Variants in ZP1 observed in about 807,000 individuals in gnomAD.
ZP1 encodes zona pellucida sperm-binding protein 1.
Under a neutral mutation model 67.4 loss-of-function variants are expected in ZP1, and 58 were observed. That is an observed-to-expected ratio of 0.86 (90% CI 0.70 to 1.07). The LOEUF (loss-of-function observed/expected upper bound fraction) is 1.07, where lower values mean the gene tolerates loss of function less well. Ranked by LOEUF, ZP1 falls within the 50% of genes least tolerant of loss-of-function variation. The pLI, the probability that ZP1 is intolerant of heterozygous loss-of-function variation, is 0.00. For missense variants in ZP1, 759 were observed against 807.3 expected (o/e 0.94, Z 0.72); for synonymous variants, 333 against 332.7 (o/e 1.00, Z -0.01).
intron 9 of ZP1, 28 bp downstream of exon 9, chr11:60,873,803 G>C (rs1465412230): frequency 6.2e-7 from 1 of 1,611,502 alleles, no homozygotes; most frequent in East Asian, 2.2e-5. Context: ...CCGCATGCCT[G>C]GTCCCATCTG....
At chr11:60,870,189 T>A (rs1025847783) in intron 3 of ZP1, 143 bp from the exon 4 acceptor site, 1 of 897,764 alleles carries the variant, frequency 1.1e-6, no homozygotes. Flanking sequence ...CTCTAGAAAT[T>A]TCAGTAATAT....
chr11:60,869,994 CTTTT>C (rs909464836), intron 3 of ZP1, 94 bp downstream of exon 3: 2 of 1,402,008 alleles, frequency 1.4e-6, no homozygotes, highest in Admixed American at 2.7e-5. Flanking sequence ...TAAGCCATTT[CTTTT>C]TTTGTTTTTT....
intron 4 of ZP1, 54 bp from the exon 5 acceptor site, chr11:60,870,903 T>TC (rs1855554080): frequency 6.5e-7 from 1 of 1,549,826 alleles, no homozygotes; most frequent in East Asian, 2.3e-5. Flanking sequence ...AGCCATCCCG[T>TC]CTCTGTGCTG....
At position 60,873,257 on chromosome 11, in the gene ZP1, G is replaced by C; in HGVS notation, c.1208G>C (p.Gly403Ala). The C allele has an allele frequency of 6.3e-7, 1 of 1,593,220 alleles. No homozygotes were observed. The highest frequency in any genetic ancestry group is 8.6e-7 in the Non-Finnish European group (1 of 1,168,018). ...PPSPAPMTQPGPLRLELRIAK... is the reference protein window; with the variant it reads ...PPSPAPMTQPAPLRLELRIAK... Reference sequence around the variant, plus strand: ...TCGCCTGCTCCTATGACCCAGCCCGGCCCCCTGCGGCTTGAGCTGCGGATT... The same window carrying C: ...TCGCCTGCTCCTATGACCCAGCCCGCCCCCCTGCGGCTTGAGCTGCGGATT... The change falls in exon 7 of 12, where the codon GGC becomes GCC. Residue 403 changes from glycine (G) to alanine (A), a missense_variant. By Grantham distance (60) the Gly-to-Ala change is moderately conservative (BLOSUM62 0). Coordinates refer to ENST00000278853, the MANE Select transcript of ZP1 (RefSeq NM_207341.4).
At position 60,870,352 on chromosome 11, in the gene ZP1, C is replaced by T. The variant is rs1423022126; in HGVS notation, c.703C>T (p.Gln235Ter). 6.2e-6 allele frequency: 10 copies of T among 1,608,672 alleles called. No individual in the cohort carries two copies. The highest frequency in any genetic ancestry group is 8.5e-6 in the Non-Finnish European group (10 of 1,177,680). ...DYIGTHLSQE[Q>*]CQVASGHLPC... The stretch of plus-strand genomic sequence containing the variant: ...CCTAGGTACCCACCTGAGCCAGGAG[C>T]AGTGCCAGGTGGCCTCAGGGCACCT... The change falls in exon 4 of 12, where the codon CAG becomes TAG. Residue 235 changes from glutamine (Q) to a stop codon, truncating the protein, a stop_gained. Coordinates refer to ENST00000278853, the MANE Select transcript of ZP1 (RefSeq NM_207341.4). LOFTEE classifies it high-confidence loss of function.
rs761515509 is a variant in ZP1, at chr11:60,869,761, C to T, written c.543C>T (p.Ser181=). 4 of 1,614,084 alleles carry T rather than the reference C, an allele frequency of 2.5e-6. No homozygotes were observed. The highest frequency in any genetic ancestry group is 3.4e-6 in the Non-Finnish European group (4 of 1,179,984). Residue 181 remains serine, a synonymous_variant, in exon 3 of 12, where the codon AGC becomes AGT. Coordinates refer to ENST00000278853, the MANE Select transcript of ZP1 (RefSeq NM_207341.4). Reference sequence around the variant, plus strand: ...AAGGCTCTGGCCATGCCTTTCCCAGCCCACTGGACCCAGGGCACAGCTCTG... The same window carrying T: ...AAGGCTCTGGCCATGCCTTTCCCAGTCCACTGGACCCAGGGCACAGCTCTG... ...TSQGSGHAFP[S]PLDPGHSSVH...
rs953920732 is a variant in ZP1 at position 60,875,437 on chromosome 11, T to C, written c.1775-77T>C. 2.5e-6 allele frequency: 4 copies of C among 1,582,170 alleles called. No individual in the cohort carries two copies. The Admixed American group carries it at 5.3e-5, about 21-fold the overall frequency. On this transcript the variant is annotated intron_variant, in intron 11 of 11. Transcript: ENST00000278853. Reference sequence around the variant, plus strand: ...GAAAGGCAGCTTCAGCTCTGCCCAGTGTGATACAAAGTTCTGGGGTGGAGG... The same window carrying C: ...GAAAGGCAGCTTCAGCTCTGCCCAGCGTGATACAAAGTTCTGGGGTGGAGG...
chr11:60,875,157 T>C lies in ZP1; in HGVS notation c.1683T>C (p.Asn561=), dbSNP rs1267053431. 6.2e-7 allele frequency: 1 copy of C among 1,613,914 alleles called. No individual in the cohort carries two copies. The highest frequency in any genetic ancestry group is 8.5e-7 in the Non-Finnish European group (1 of 1,180,022). ...TRQRRSSGHR[N]DTARPQDIVS... ...AGCGACGATCCTCAGGTCACCGTAA[T>C]GACACTGCCAGGCCCCAGGACATCG... Residue 561 remains asparagine (N), a synonymous_variant, in exon 11 of 12, where the codon AAT becomes AAC. Coordinates refer to ENST00000278853, the MANE Select transcript of ZP1 (RefSeq NM_207341.4).
At chr11:60,871,357 G>C (rs1429212311) in intron 6 of ZP1, 43 bp downstream of exon 6, 7 of 1,602,112 alleles carry the variant, frequency 4.4e-6, no homozygotes, top group South Asian at 1.1e-5. Flanking sequence ...GTGTGCTAGG[G>C]TGTCAGGGGC....
At position 60,873,445 on chromosome 11, in the gene ZP1, T is replaced by A; in HGVS notation, c.1311T>A (p.His437Gln). ...PIVRLLREPV[H>Q]VEVRLLQRTD... ...TGAGGCTGCTCCGAGAACCAGTCCATGTGGAGGTCCGGCTTCTGCAGAGGA... is the reference window on the plus strand; with the variant it reads ...TGAGGCTGCTCCGAGAACCAGTCCAAGTGGAGGTCCGGCTTCTGCAGAGGA... The change falls in exon 8 of 12, where the codon CAT becomes CAA. Residue 437 changes from histidine (H) to glutamine (Q), a missense_variant. His to Gln is a conservative substitution (Grantham distance 24). Transcript: ENST00000278853. The A allele has an allele frequency of 6.2e-7, 1 of 1,613,336 alleles. No individual in the cohort carries two copies. Among genetic ancestry groups the A allele is most frequent in the Non-Finnish European group, 8.5e-7 (1 of 1,179,544 alleles).
At chr11:60,871,465 C>T in intron 6 of ZP1, 151 bp downstream of exon 6, 2 of 781,960 alleles carry the variant, frequency 2.6e-6, no homozygotes, top group South Asian at 1.7e-5. Context: ...CCCACCTCTT[C>T]CCAGCCTCCC....
chr11:60,868,369 G>A (rs867267953), intron 1 of ZP1, among the ~76,000 whole-genome samples: 6 of 152,202 alleles, frequency 3.9e-5, no homozygotes, highest in South Asian at 2.1e-4. Flanking sequence ...CTCTAACCAC[G>A]CTCAGTCAAA....
In ZP1 at chr11:60,873,217, A is replaced by G; in HGVS notation, c.1168A>G (p.Ile390Val). ...TGACTTCCTGCCCATTCAGGCATCC[A>G]TTTTCCCACCCCCATCGCCTGCTCC... ...ASDFLPIQAS[I>V]FPPPSPAPMT... is the part of the protein sequence containing the mutation. The change falls in exon 7 of 12, where the codon ATT becomes GTT. Residue 390 changes from isoleucine (I) to valine (V), a missense_variant. Ile to Val is a conservative substitution (Grantham distance 29). Coordinates refer to ENST00000278853, the MANE Select transcript of ZP1 (RefSeq NM_207341.4). The G allele has an allele frequency of 6.2e-7, 1 of 1,606,294 alleles. No individual in the cohort carries two copies. Among genetic ancestry groups the G allele is most frequent in the Non-Finnish European group, 8.5e-7 (1 of 1,176,060 alleles).
intron 3 of ZP1, among the ~76,000 whole-genome samples, chr11:60,870,124 T>C (rs965638922): frequency 6.6e-6 from 1 of 152,290 alleles, no homozygotes. Flanking sequence ...TTCCTAACTT[T>C]AGGCAGAAAC....
In ZP1 at chr11:60,869,499, CCTCACCTTGCTGCTCTATGATGGCCT is replaced by C. The variant is rs1855525823; in HGVS notation, c.319-30_319-5del. ...TCCCCTGCCTGGGTATGCTAGGTGG[CCTCACCTTGCTGCTCTATGATGGCCT>C]CTCACCTGCAGGATGGGCGTTTCCA... On this transcript the variant is annotated splice_polypyrimidine_tract_variant and intron_variant, in intron 2 of 11. Coordinates refer to ENST00000278853, the MANE Select transcript of ZP1 (RefSeq NM_207341.4). 1.3e-6 allele frequency: 2 copies of C among 1,565,448 alleles called. No individual in the cohort carries two copies. Among genetic ancestry groups the C allele is most frequent in the Non-Finnish European group, 1.7e-6 (2 of 1,152,640 alleles).
Position 60,873,484 on chromosome 11 carries a change from G to C in ZP1, c.1350G>C (p.Leu450=). The change falls in exon 8 of 12, where the codon CTG becomes CTC. Residue 450 remains leucine (L), a synonymous_variant. Coordinates refer to ENST00000278853, the MANE Select transcript of ZP1 (RefSeq NM_207341.4). ...VRLLQRTDPN[L]VLLLHQCWGA... ...TTCTGCAGAGGACAGACCCCAACCT[G>C]GTCCTGCTGCTGCACCAGTGCTGGG... The C allele has an allele frequency of 6.2e-7, 1 of 1,613,496 alleles. No individual in the cohort carries two copies. Among genetic ancestry groups the C allele is most frequent in the Non-Finnish European group, 8.5e-7 (1 of 1,179,740 alleles).
Position 60,875,017 on chromosome 11 carries a change from G to A in ZP1, c.1654+3G>A. ...TGCATGTAGCACTGGCACTACAAGTGAGTCTGGGTTGCGAGTGGTATTTGT... is the reference window on the plus strand; with the variant it reads ...TGCATGTAGCACTGGCACTACAAGTAAGTCTGGGTTGCGAGTGGTATTTGT... On this transcript the variant is annotated splice_donor_region_variant and intron_variant, in intron 10 of 11. Coordinates refer to ENST00000278853, the MANE Select transcript of ZP1 (RefSeq NM_207341.4). The A allele has an allele frequency of 1.2e-6, 2 of 1,614,252 alleles. No individual in the cohort carries two copies. The highest frequency in any genetic ancestry group is 1.7e-6 in the Non-Finnish European group (2 of 1,180,054).
At chr11:60,873,918 G>C in intron 9 of ZP1, 143 bp downstream of exon 9, 1 of 1,158,040 alleles carries the variant, frequency 8.6e-7, no homozygotes, top group Non-Finnish European at 1.2e-6. Flanking sequence ...ATGGAAAGCA[G>C]CGGGCTTCGG....
intron 4 of ZP1, 138 bp downstream of exon 4, chr11:60,870,613 C>T: frequency 8.4e-7 from 1 of 1,185,428 alleles, no homozygotes; most frequent in Non-Finnish European, 1.2e-6. Flanking sequence ...GCAGAGGAGA[C>T]CTTTAGATGG....
Sources: allele counts gnomAD v4.1 joint callset (sites outside exome capture counted in the v4.1 genomes callset), GRCh38; gene constraint gnomAD v4.1.1; transcripts MANE v1.5; gene names NCBI Gene and HGNC (gene_info 2026-07-23, HGNC 2026-07-21).